The following TRPV2 variants were observed in gnomAD, a reference collection of about 807,000 sequenced individuals.
TRPV2 encodes transient receptor potential cation channel subfamily V member 2.
TRPV2 carries 58 observed loss-of-function variants against 91.0 expected under a neutral mutation model. The observed-to-expected ratio is 0.64, with a 90% CI of 0.52 to 0.79. The LOEUF (loss-of-function observed/expected upper bound fraction) is 0.79. TRPV2 is among the 30% of genes least tolerant of loss of function. TRPV2 has a pLI of 0.00. For synonymous variants in TRPV2, 417 were observed against 414.8 expected (o/e 1.01, Z -0.06); for missense variants, 807 against 969.6 (o/e 0.83, Z 2.23).
Position 16,432,800 on chromosome 17 carries a change from T to C in TRPV2, c.1989+500T>C, listed in dbSNP as rs77088702. On this transcript the variant is annotated intron_variant, in intron 12 of 14. Transcript: ENST00000338560. ...TACTCTTATCATCATTGCTGTCCAG[T>C]GTTTCTTTTTTTTTTTTTTTTGAGT... Among the ~76,000 whole-genome samples the C allele has an allele frequency of 9.1e-3, 1,372 of 150,074 alleles. 22 individuals carry two copies. The highest frequency in any genetic ancestry group is 0.032 in the African/African-American group (1,289 of 40,228).
intron 1 of TRPV2, chr17:16,416,385 CCTT>C (rs1385384914): frequency 1.3e-5 from 2 of 153,616 alleles, no homozygotes; most frequent in Non-Finnish European, 2.9e-5. Flanking sequence ...CTCTTTGACT[CCTT>C]CTTCTTTCTG....
chr17:16,421,518 CA>C (rs2093357086), intron 3 of TRPV2, among the ~76,000 whole-genome samples: 2 of 142,642 alleles, frequency 1.4e-5, no homozygotes, highest in African/African-American at 5.5e-5. Flanking sequence ...CGCGCCTGGC[CA>C]TTTTTTTTTT....
chr17:16,432,416 C>A, intron 12 of TRPV2, 116 bp downstream of exon 12: 27 of 793,872 alleles, frequency 3.4e-5, no homozygotes, highest in Non-Finnish European at 4.8e-5. Context: ...TTGGGCAGCT[C>A]TACCTTGTCA....
intron 1 of TRPV2, among the ~76,000 whole-genome samples, chr17:16,416,843 T>A (rs1303888301): frequency 1.4e-4 from 21 of 152,196 alleles, no homozygotes; most frequent in Admixed American, 1.4e-3. Flanking sequence ...TTCCCAGTTA[T>A]TTCTTCTTAG....
intron 5 of TRPV2, among the ~76,000 whole-genome samples, chr17:16,424,539 G>T (rs1323636765): frequency 6.6e-6 from 1 of 151,840 alleles, no homozygotes; most frequent in Non-Finnish European, 1.5e-5. Context: ...CAGGTGATCT[G>T]CCCACCTCGG....
chr17:16,418,209 G>T (rs569973029), intron 2 of TRPV2, among the ~76,000 whole-genome samples: 2 of 152,322 alleles, frequency 1.3e-5, no homozygotes, highest in East Asian at 3.9e-4. Context: ...AAGGCAGCAG[G>T]ATCCACACTC....
At chr17:16,434,813 G>C in intron 13 of TRPV2, 77 bp from the exon 14 acceptor site, 2 of 1,425,482 alleles carry the variant, frequency 1.4e-6, no homozygotes, top group South Asian at 1.2e-5. Flanking sequence ...CCCAATTTGG[G>C]GGGCCACGCC....
chr17:16,435,999 C>T lies in TRPV2; in HGVS notation c.2195-790C>T, dbSNP rs2093432436. On this transcript the variant is annotated intron_variant, in intron 14 of 14. Coordinates refer to ENST00000338560, the MANE Select transcript of TRPV2 (RefSeq NM_016113.5). The surrounding 1 kb of genome is among the most constrained non-coding windows in gnomAD (Gnocchi z 4.2). ...GGGGCCTCCAATGTGACATTCCCAA[C>T]AGGAACAGCCTCGGGGCTGCCCCAG... Among the ~76,000 whole-genome samples, 1 of 152,200 alleles carries T rather than the reference C, an allele frequency of 6.6e-6. No individual in the cohort carries two copies. Among genetic ancestry groups the T allele is most frequent in the African/African-American group, 2.4e-5 (1 of 41,450 alleles).
chr17:16,426,947 G>A lies in TRPV2; in HGVS notation c.1251+70G>A. 1 of 1,548,996 alleles carries A rather than the reference G, an allele frequency of 6.5e-7. No homozygotes were observed. Among genetic ancestry groups the A allele is most frequent in the Non-Finnish European group, 8.7e-7 (1 of 1,145,612 alleles). Reference sequence around the variant, plus strand: ...CTTGAAACAACCCTGGGGGAAGATGGGGCAGTAATAGTGCTGAGGCATGGG... The same window carrying A: ...CTTGAAACAACCCTGGGGGAAGATGAGGCAGTAATAGTGCTGAGGCATGGG... On this transcript the variant is annotated intron_variant, in intron 7 of 14. Transcript: ENST00000338560. This position sits in a 1 kb window ranked among gnomAD's most constrained non-coding sequence, Gnocchi z 6.0.
In TRPV2 at chr17:16,417,566, C is replaced by T; in HGVS notation, c.-103C>T. On this transcript the variant is annotated 5_prime_UTR_variant, in exon 2 of 15. Coordinates refer to ENST00000338560, the MANE Select transcript of TRPV2 (RefSeq NM_016113.5). ...ACCTAATACCTCCTTTTGCAGGCTC[C>T]AGTCAGGCCAACACCGACGCGCAGC... 1 of 1,268,226 alleles carries T rather than the reference C, an allele frequency of 7.9e-7. No individual in the cohort carries two copies. Among genetic ancestry groups the T allele is most frequent in the Non-Finnish European group, 1.1e-6 (1 of 893,586 alleles). The allele number at this position is 1,268,226 out of a possible 1,614,324, so 78.6% of individuals were successfully genotyped here.
At position 16,423,515 on chromosome 17, in the gene TRPV2, G is replaced by GGTAA; in HGVS notation, c.674_677dup (p.Tyr227LysfsTer17). The GGTAA allele has an allele frequency of 1.9e-6, 3 of 1,613,922 alleles. No homozygotes were observed. The highest frequency in any genetic ancestry group is 2.5e-6 in the Non-Finnish European group (3 of 1,179,914). ...CCGCTTGCACCAAGCAGTGGGATGTGGTAAGCTACCTCCTGGAGAACCCAC... is the reference window on the plus strand; with the variant it reads ...CCGCTTGCACCAAGCAGTGGGATGTGGTAAGTAAGCTACCTCCTGGAGAACCCAC... On this transcript the variant is annotated frameshift_variant, in exon 5 of 15. Transcript: ENST00000338560. LOFTEE classifies it high-confidence loss of function.
intron 2 of TRPV2, chr17:16,419,423 C>T (rs753584333): frequency 4.2e-6 from 2 of 470,700 alleles, no homozygotes; most frequent in Non-Finnish European, 8.8e-6. Flanking sequence ...TGCTCTGTTT[C>T]TGGGAAATTT....
chr17:16,431,457 C>T (rs1204006842), intron 10 of TRPV2, among the ~76,000 whole-genome samples: 1 of 151,394 alleles, frequency 6.6e-6, no homozygotes, highest in Non-Finnish European at 1.5e-5. Flanking sequence ...ACCACTGCAC[C>T]TGGCTAATTT....
Position 16,415,837 on chromosome 17 carries a change from A to T in TRPV2, c.-108+4A>T, listed in dbSNP as rs1568899017. The T allele has an allele frequency of 6.6e-6, 1 of 152,316 alleles. No individual in the cohort carries two copies. Among genetic ancestry groups the T allele is most frequent in the East Asian group, 1.9e-4 (1 of 5,168 alleles). The allele number at this position is 152,316 out of a possible 1,614,324, so 9.4% of individuals were successfully genotyped here. A position where few individuals can be genotyped will look rare whatever the true frequency, so the allele number is the denominator to read the frequency against. On this transcript the variant is annotated splice_donor_region_variant and intron_variant, in intron 1 of 14. Coordinates refer to ENST00000338560, the MANE Select transcript of TRPV2 (RefSeq NM_016113.5). This position sits in a 1 kb window ranked among gnomAD's most constrained non-coding sequence, Gnocchi z 4.5. Reference sequence around the variant, plus strand: ...CGCCCTGGCCTCAGCCTGCGGGGTAAGTCGGTGGGCAATGCTGGGGACGTT... The same window carrying T: ...CGCCCTGGCCTCAGCCTGCGGGGTATGTCGGTGGGCAATGCTGGGGACGTT...
intron 2 of TRPV2, among the ~76,000 whole-genome samples, chr17:16,418,645 A>G (rs12951377): frequency 0.72 from 109,303 of 151,838 alleles, 40,340 homozygotes; most frequent in African/African-American, 0.87. Flanking sequence ...GGGAGGATGC[A>G]TGAGGAGATT....
At position 16,435,207 on chromosome 17, in the gene TRPV2, G is replaced by A. The variant is rs903779932; in HGVS notation, c.2194+238G>A. ...AGGGGAAACCTCTGAGGCTGTTAGC[G>A]CTTCCACCAGCCCAGCCTCTGGCTG... On this transcript the variant is annotated intron_variant, in intron 14 of 14. Transcript: ENST00000338560. The surrounding 1 kb of genome is among the most constrained non-coding windows in gnomAD (Gnocchi z 4.2). Among the ~76,000 whole-genome samples the A allele has an allele frequency of 3.3e-5, 5 of 152,298 alleles. No individual in the cohort carries two copies. Among genetic ancestry groups the A allele is most frequent in the African/African-American group, 1.2e-4 (5 of 41,542 alleles).
intron 12 of TRPV2, 139 bp downstream of exon 12, chr17:16,432,439 CTTTT>C: frequency 6.7e-5 from 36 of 534,570 alleles, no homozygotes; most frequent in East Asian, 9.7e-5. Context: ...CTTCCTCTTC[CTTTT>C]TTTTTTTTTT....
chr17:16,431,277 A>G (rs1395506687), intron 10 of TRPV2, among the ~76,000 whole-genome samples: 1 of 75,748 alleles, frequency 1.3e-5, no homozygotes, highest in African/African-American at 5.9e-5. Flanking sequence ...ATATATATAT[A>G]TATATATATA....
At chr17:16,423,382 A>G in intron 4 of TRPV2, 87 bp from the exon 5 acceptor site, 1 of 1,442,002 alleles carries the variant, frequency 6.9e-7, no homozygotes, top group South Asian at 1.4e-5. Flanking sequence ...TGTTTCAAGG[A>G]GGGCTGGCCT....
Sources: gnomAD v4.1 joint callset for allele counts (sites outside exome capture counted in the v4.1 genomes callset) on GRCh38, gnomAD v4.1.1 for gene constraint, Gnocchi (gnomAD v3.1) non-coding constraint, MANE v1.5 for transcripts, NCBI Gene and HGNC (gene_info 2026-07-23, HGNC 2026-07-21) for gene names.